The following ADAMTS2 variants were observed in gnomAD, a reference collection of about 807,000 sequenced individuals.
ADAMTS2 encodes the protein ADAM metallopeptidase with thrombospondin type 1 motif 2.
A neutral mutation model predicts 123.0 loss-of-function variants in ADAMTS2; 50 were observed. The ratio of observed to expected loss-of-function variants is 0.41; its 90% CI spans 0.32 to 0.51. The LOEUF (loss-of-function observed/expected upper bound fraction) is 0.51, where lower values mean the gene tolerates loss of function less well. Among genes scored for constraint, ADAMTS2 ranks in the 20% least tolerant of loss-of-function variants. The pLI is 0.35. For synonymous variants in ADAMTS2, 678 were observed against 695.4 expected (o/e 0.98, Z 0.39); for missense variants, 1,494 against 1,705.2 (o/e 0.88, Z 2.18).
Position 179,344,027 on chromosome 5 carries a change from C to A in ADAMTS2, c.274G>T (p.Val92Phe), listed in dbSNP as rs1408271562. Reference protein sequence around the residue: ...AGVRARRAAPVRTPSFPGGNE... With the variant: ...AGVRARRAAPFRTPSFPGGNE... Reference sequence around the variant, plus strand: ...CCTCCGGGGAAGCTCGGGGTCCGGACCGGGGCGGCCCTGCGGGCTCGTACC... The same window carrying A: ...CCTCCGGGGAAGCTCGGGGTCCGGAACGGGGCGGCCCTGCGGGCTCGTACC... Residue 92 changes from valine to phenylalanine, a missense_variant, in exon 2 of 22, where the codon GTC becomes TTC. Coordinates refer to ENST00000251582, the MANE Select transcript of ADAMTS2 (RefSeq NM_014244.5). The A allele has an allele frequency of 2.5e-6, 4 of 1,612,586 alleles. No homozygotes were observed. The highest frequency in any genetic ancestry group is 1.7e-6 in the Non-Finnish European group (2 of 1,179,848).
intron 12 of ADAMTS2, among the ~76,000 whole-genome samples, chr5:179,136,723 C>T (rs1763072399): frequency 6.7e-6 from 1 of 150,140 alleles, no homozygotes. Flanking sequence ...GTAATCCCAG[C>T]ACTTTGGGAG....
rs28553364 is a variant in ADAMTS2 at position 179,197,671 on chromosome 5, C to T, written c.891+9842G>A. On this transcript the variant is annotated intron_variant, in intron 4 of 21. Transcript: ENST00000251582. The surrounding 1 kb of genome is among the most constrained non-coding windows in gnomAD (Gnocchi z 4.2). ...GCAGTGAGCTATGATTGCAGCACTACGCTCCAGCCTGGGTGACTGAGTGAG... is the reference window on the plus strand; with the variant it reads ...GCAGTGAGCTATGATTGCAGCACTATGCTCCAGCCTGGGTGACTGAGTGAG... Among the ~76,000 whole-genome samples the T allele has an allele frequency of 3.1e-3, 475 of 152,220 alleles. 2 individuals are homozygous for T. The highest frequency in any genetic ancestry group is 0.011 in the African/African-American group (451 of 41,542).
chr5:179,221,064 G>T (rs922412352), intron 3 of ADAMTS2, among the ~76,000 whole-genome samples: 1 of 152,176 alleles, frequency 6.6e-6, no homozygotes, highest in Non-Finnish European at 1.5e-5. Context: ...CCAAGCACAG[G>T]CTCTTCCTAG....
chr5:179,172,136 C>A (rs904781015), intron 5 of ADAMTS2, among the ~76,000 whole-genome samples: 1 of 152,252 alleles, frequency 6.6e-6, no homozygotes, highest in African/African-American at 2.4e-5. Context: ...CCTCAGTTCA[C>A]CTATGTCCTC....
rs368872827 is a variant in ADAMTS2 at position 179,237,986 on chromosome 5, T to G, written c.689-30271A>C. 5.9e-5 allele frequency among the ~76,000 whole-genome samples: 9 copies of G among 152,286 alleles called. No individual in the cohort carries two copies. The East Asian group carries it at 1.4e-3, about 23-fold the overall frequency. ...TAAAGGACAGTTACTTAACCAGAAC[T>G]TGGGGTCCCCCTGCCCCGCCCCACG... On this transcript the variant is annotated intron_variant, in intron 3 of 21. Transcript: ENST00000251582.
intron 2 of ADAMTS2, among the ~76,000 whole-genome samples, chr5:179,322,043 T>C (rs1238540914): frequency 1.3e-5 from 2 of 152,240 alleles, no homozygotes; most frequent in Non-Finnish European, 2.9e-5. Flanking sequence ...CCTTTTGTCA[T>C]TAAGTATGTT....
chr5:179,257,657 C>A (rs182865648), intron 3 of ADAMTS2, among the ~76,000 whole-genome samples: 1 of 152,172 alleles, frequency 6.6e-6, no homozygotes, highest in South Asian at 2.1e-4. Context: ...GAAACGGAAC[C>A]GCTGGAAAGG....
Position 179,317,947 on chromosome 5 carries a change from G to C in ADAMTS2, c.534+25820C>G, listed in dbSNP as rs1415895769. On this transcript the variant is annotated intron_variant, in intron 2 of 21. Coordinates refer to ENST00000251582, the MANE Select transcript of ADAMTS2 (RefSeq NM_014244.5). This position sits in a 1 kb window ranked among gnomAD's most constrained non-coding sequence, Gnocchi z 4.9. ...GGGTCCCTGGGGCTCATCCAGGGCT[G>C]GGGTGGAGCCGGGACATGAGGAACG... Among the ~76,000 whole-genome samples, 3 of 152,180 alleles carry C rather than the reference G, an allele frequency of 2.0e-5. No individual in the cohort carries two copies. Among genetic ancestry groups the C allele is most frequent in the Admixed American group, 6.5e-5 (1 of 15,284 alleles).
In ADAMTS2 at chr5:179,111,228, T is replaced by C. The variant is rs1423615920; in HGVS notation, c.*2639A>G. On this transcript the variant is annotated 3_prime_UTR_variant, in exon 22 of 22. Coordinates refer to ENST00000251582, the MANE Select transcript of ADAMTS2 (RefSeq NM_014244.5). ...AAGGAGAAGTGACTCAGGGACACTG[T>C]TGCAGATTTTCTAGTGCAGCGGAAG... The C allele has an allele frequency of 6.6e-6, 1 of 152,218 alleles. No homozygotes were observed. Among genetic ancestry groups the C allele is most frequent in the Non-Finnish European group, 1.5e-5 (1 of 68,040 alleles). The allele number at this position is 152,218 out of a possible 1,614,324, so 9.4% of individuals were successfully genotyped here. A position where few individuals can be genotyped will look rare whatever the true frequency, so the allele number is the denominator to read the frequency against.
Position 179,345,315 on chromosome 5 carries a change from G to A in ADAMTS2, c.14C>T (p.Ala5Val), listed in dbSNP as rs1473062878. 9.7e-6 allele frequency: 11 copies of A among 1,133,318 alleles called. No individual in the cohort carries two copies. The highest frequency in any genetic ancestry group is 1.1e-5 in the Non-Finnish European group (10 of 925,766). The allele number at this position is 1,133,318 out of a possible 1,614,324, so 70.2% of individuals were successfully genotyped here. Residue 5 changes from alanine to valine, a missense_variant, in exon 1 of 22, where the codon GCG (alanine) becomes GTG (valine). By Grantham distance (64) the Ala-to-Val change is moderately conservative. Coordinates refer to ENST00000251582, the MANE Select transcript of ADAMTS2 (RefSeq NM_014244.5). This position sits in a 1 kb window ranked among gnomAD's most constrained non-coding sequence, Gnocchi z 7.5. MDPP[A>V]GAARRLLCPA... ...GCAGAGCAGGCGGCGAGCGGCTCCC[G>A]CCGGCGGATCCATGGCAGCCGGACT...
At position 179,117,302 on chromosome 5, in the gene ADAMTS2, G is replaced by T. The variant is rs1213888849; in HGVS notation, c.3179-2978C>A. Among the ~76,000 whole-genome samples the T allele has an allele frequency of 6.6e-6, 1 of 152,162 alleles. No homozygotes were observed. Reference sequence around the variant, plus strand: ...GAGCCTGGGCCTGATGGTGCTGGGAGGGACACCCTGGCTGCACACTGCCCC... The same window carrying T: ...GAGCCTGGGCCTGATGGTGCTGGGATGGACACCCTGGCTGCACACTGCCCC... On this transcript the variant is annotated intron_variant, in intron 21 of 21. Transcript: ENST00000251582. The surrounding 1 kb of genome is among the most constrained non-coding windows in gnomAD (Gnocchi z 4.2).
intron 2 of ADAMTS2, among the ~76,000 whole-genome samples, chr5:179,328,470 C>T (rs1022299456): frequency 1.3e-5 from 2 of 152,208 alleles, no homozygotes; most frequent in African/African-American, 2.4e-5. Flanking sequence ...GGGGCTGTTG[C>T]CAGGAAGGGC....
intron 2 of ADAMTS2, among the ~76,000 whole-genome samples, chr5:179,315,232 A>T (rs1157512454): frequency 2.4e-5 from 1 of 40,974 alleles, no homozygotes; most frequent in Non-Finnish European, 5.1e-5. Context: ...GACAAGATTA[A>T]ATACCCTGGC....
Position 179,308,452 on chromosome 5 carries a change from G to A in ADAMTS2, c.534+35315C>T, listed in dbSNP as rs1016807048. 6.6e-6 allele frequency among the ~76,000 whole-genome samples: 1 copy of A among 152,188 alleles called. No homozygotes were observed. Among genetic ancestry groups the A allele is most frequent in the African/African-American group, 2.4e-5 (1 of 41,448 alleles). ...CTGGGCAGGCTGAGGACAGGAACGG[G>A]CAGCCGCCACTGTTCACGAGCAAGG... is the stretch of plus-strand genomic sequence containing the variant. On this transcript the variant is annotated intron_variant, in intron 2 of 21. Coordinates refer to ENST00000251582, the MANE Select transcript of ADAMTS2 (RefSeq NM_014244.5). This position sits in a 1 kb window ranked among gnomAD's most constrained non-coding sequence, Gnocchi z 6.6.
At position 179,308,323 on chromosome 5, in the gene ADAMTS2, G is replaced by T. The variant is rs1756733326; in HGVS notation, c.535-35259C>A. ...GAGTCACCAGGACCATCTGACAAATGACCGCCTTGGGGATCCGTGGAGCTC... is the reference window on the plus strand; with the variant it reads ...GAGTCACCAGGACCATCTGACAAATTACCGCCTTGGGGATCCGTGGAGCTC... On this transcript the variant is annotated intron_variant, in intron 2 of 21. Coordinates refer to ENST00000251582, the MANE Select transcript of ADAMTS2 (RefSeq NM_014244.5). This position sits in a 1 kb window ranked among gnomAD's most constrained non-coding sequence, Gnocchi z 6.6. Among the ~76,000 whole-genome samples, 1 of 152,206 alleles carries T rather than the reference G, an allele frequency of 6.6e-6. No individual in the cohort carries two copies. The highest frequency in any genetic ancestry group is 2.1e-4 in the South Asian group (1 of 4,832).
At chr5:179,133,911 C>T (rs1352785407) in intron 13 of ADAMTS2, among the ~76,000 whole-genome samples, 1 of 151,432 alleles carries the variant, frequency 6.6e-6, no homozygotes, top group Non-Finnish European at 1.5e-5. Flanking sequence ...GGGGTTTCAC[C>T]ATGTTGGTCA....
At chr5:179,124,454 G>A (rs968956433) in intron 19 of ADAMTS2, among the ~76,000 whole-genome samples, 3 of 152,230 alleles carry the variant, frequency 2.0e-5, no homozygotes, top group South Asian at 4.1e-4. Flanking sequence ...AGACCCAGGC[G>A]TCCCCTAGGA....
chr5:179,139,452 C>T (rs1331271742), intron 11 of ADAMTS2, among the ~76,000 whole-genome samples: 1 of 152,098 alleles, frequency 6.6e-6, no homozygotes, highest in Non-Finnish European at 1.5e-5. Flanking sequence ...GCCGGCTCTA[C>T]AGGTTGTCCC....
rs2271213 is a variant in ADAMTS2 at position 179,343,758 on chromosome 5, C to A, written c.534+9G>T. The A allele has an allele frequency of 1.2e-6, 2 of 1,607,966 alleles. No homozygotes were observed. Among genetic ancestry groups the A allele is most frequent in the Non-Finnish European group, 1.7e-6 (2 of 1,178,976 alleles). ...CGGAGAGAAAGGAGCTAGAGAAGTG[C>A]GTACTCACCAGCCCATCGCAGTTGC... On this transcript the variant is annotated intron_variant, in intron 2 of 21. Transcript: ENST00000251582.
Sources: gnomAD v4.1 joint callset for allele counts (sites outside exome capture counted in the v4.1 genomes callset) on GRCh38, gnomAD v4.1.1 for gene constraint, Gnocchi (gnomAD v3.1) non-coding constraint, MANE v1.5 for transcripts, NCBI Gene and HGNC (gene_info 2026-07-23, HGNC 2026-07-21) for gene names.